FANCI: variants seen among roughly 807,000 people sequenced by gnomAD.
The protein encoded by FANCI is FA complementation group I.
A neutral mutation model predicts 176.1 loss-of-function variants in FANCI; 156 were observed. The observed-to-expected ratio is 0.89, with a 90% CI of 0.78 to 1.01. FANCI has a LOEUF of 1.01. FANCI is among the 50% of genes least tolerant of loss of function. FANCI has a pLI of 0.00. For missense variants in FANCI, 1,678 were observed against 1,534.1 expected (o/e 1.09, Z -1.57); for synonymous variants, 613 against 541.7 (o/e 1.13, Z -1.83).
In FANCI at chr15:89,276,849, T is replaced by C. The variant is rs2151487041; in HGVS notation, c.1251T>C (p.His417=). ...GTCTTTCTAGAATGCCAAACCAGCA[T>C]GCATGTAAGCTCGGAGCTAATATCC... ...SPSLSRMPNQ[H]ACKLGANILL... The change falls in exon 13 of 38, where the codon CAT becomes CAC. Residue 417 remains histidine (H), a synonymous_variant. Transcript: ENST00000310775. The C allele has an allele frequency of 6.2e-7, 1 of 1,614,202 alleles. No homozygotes were observed. Among genetic ancestry groups the C allele is most frequent in the Non-Finnish European group, 8.5e-7 (1 of 1,180,034 alleles).
At chr15:89,279,665 A>G (rs2053541182) in intron 14 of FANCI, among the ~76,000 whole-genome samples, 1 of 152,116 alleles carries the variant, frequency 6.6e-6, no homozygotes, top group African/African-American at 2.4e-5. Flanking sequence ...AGTTCCCTTC[A>G]AACAAATTTT....
Position 89,307,351 on chromosome 15 carries a change from C to T in FANCI, c.3538-125C>T. 1.0e-5 allele frequency: 9 copies of T among 897,388 alleles called. No homozygotes were observed. The South Asian group carries it at 1.2e-4, about 12-fold the overall frequency. The allele number at this position is 897,388 out of a possible 1,614,324, so 55.6% of individuals were successfully genotyped here. On this transcript the variant is annotated intron_variant, in intron 32 of 37. Transcript: ENST00000310775. ...AGGAATAAGGAAGCTTGTGTCTTGGCTTCTCTGTGAATTTTGTTTTTCCTC... is the reference window on the plus strand; with the variant it reads ...AGGAATAAGGAAGCTTGTGTCTTGGTTTCTCTGTGAATTTTGTTTTTCCTC...
intron 2 of FANCI, among the ~76,000 whole-genome samples, chr15:89,257,016 C>T (rs532228436): frequency 6.6e-6 from 1 of 152,290 alleles, no homozygotes; most frequent in East Asian, 1.9e-4. Context: ...ATGCCATTCT[C>T]CTGCCTCAGC....
In FANCI at chr15:89,305,627, A is replaced by T; in HGVS notation, c.3278A>T (p.Glu1093Val). The change falls in exon 31 of 38, where the codon GAG (glutamate) becomes GTG (valine). Residue 1093 changes from glutamate (E) to valine (V), a missense_variant. Transcript: ENST00000310775. Reference protein sequence around the residue: ...TVCLLVLSQAEKVLEEVDWLI... With the variant: ...TVCLLVLSQAVKVLEEVDWLI... The stretch of plus-strand genomic sequence containing the variant: ...CAGTTACTTGTTCTGAGTCAGGCCG[A>T]GAAGGTTCTAGAAGAAGTGGACTGG... 2 of 1,614,190 alleles carry T rather than the reference A, an allele frequency of 1.2e-6. No homozygotes were observed. Among genetic ancestry groups the T allele is most frequent in the Non-Finnish European group, 1.7e-6 (2 of 1,180,038 alleles).
chr15:89,314,419 T>C (rs921755966), intron 35 of FANCI, among the ~76,000 whole-genome samples, 193 bp from the exon 36 acceptor site: 15 of 152,234 alleles, frequency 9.9e-5, no homozygotes, highest in African/African-American at 3.6e-4. Context: ...ATCAGTGCAA[T>C]TATCTCTACT....
intron 27 of FANCI, among the ~76,000 whole-genome samples, chr15:89,302,053 G>T (rs142595220): frequency 8.2e-4 from 125 of 152,332 alleles, no homozygotes; most frequent in African/African-American, 2.8e-3. Context: ...CTTGTTGGGG[G>T]TCTGTACCAT....
rs1250942456 is a variant in FANCI, at chr15:89,260,693, C to T, written c.158-20C>T. 4 of 1,612,378 alleles carry T rather than the reference C, an allele frequency of 2.5e-6. No individual in the cohort carries two copies. The highest frequency in any genetic ancestry group is 3.4e-6 in the Non-Finnish European group (4 of 1,179,148). On this transcript the variant is annotated intron_variant, in intron 3 of 37. Transcript: ENST00000310775. ...AATGTTGTAAGACTTGTTTCTGAACCCCCTGTTTAAAACAATAAGGTTCCC... is the reference window on the plus strand; with the variant it reads ...AATGTTGTAAGACTTGTTTCTGAACTCCCTGTTTAAAACAATAAGGTTCCC...
At chr15:89,248,824 T>G (rs1390896866) in intron 2 of FANCI, among the ~76,000 whole-genome samples, 1 of 152,198 alleles carries the variant, frequency 6.6e-6, no homozygotes, top group Non-Finnish European at 1.5e-5. Context: ...GCTCTTATAT[T>G]TATTTTTGTA....
At chr15:89,250,551 G>C (rs1347886017) in intron 2 of FANCI, among the ~76,000 whole-genome samples, 7 of 135,324 alleles carry the variant, frequency 5.2e-5, no homozygotes, top group African/African-American at 1.3e-4. Context: ...GTTGTGGAGT[G>C]AGGGGAGGGG....
rs1432963862 is a variant in FANCI, at chr15:89,275,999, ATTG to A, written c.1113-709_1113-707del. 2.0e-5 allele frequency among the ~76,000 whole-genome samples: 3 copies of A among 152,204 alleles called. No homozygotes were observed. The East Asian group carries it at 5.8e-4, about 29-fold the overall frequency. The stretch of plus-strand genomic sequence containing the variant: ...ATTTTTGGCTCTTCAGAGTATGAAT[ATTG>A]TTAACTCTGTTAAAGTCTTATAATT... On this transcript the variant is annotated intron_variant, in intron 12 of 37. Transcript: ENST00000310775.
chr15:89,306,092 C>G lies in FANCI; in HGVS notation c.3435C>G (p.Phe1145Leu), dbSNP rs1344945720. ...AACTGGGAACTCTGCTTACATTTTTCCACGAGCTGGTGCAGACAGCTCTGC... is the reference window on the plus strand; with the variant it reads ...AACTGGGAACTCTGCTTACATTTTTGCACGAGCTGGTGCAGACAGCTCTGC... ...IMQLGTLLTF[F>L]HELVQTALPS... is the part of the protein sequence containing the mutation. The change falls in exon 32 of 38, where the codon TTC becomes TTG. Residue 1145 changes from phenylalanine (F) to leucine (L), a missense_variant. Around this residue, in one of 3 missense-constraint regions of FANCI, gnomAD observed 1,204 missense variants for 1,077.4 expected, o/e 1.12. Transcript: ENST00000310775. 1.9e-6 allele frequency: 3 copies of G among 1,614,082 alleles called. No individual in the cohort carries two copies. Among genetic ancestry groups the G allele is most frequent in the Non-Finnish European group, 2.5e-6 (3 of 1,180,046 alleles).
intron 2 of FANCI, among the ~76,000 whole-genome samples, chr15:89,254,711 C>T (rs2052419002): frequency 6.6e-6 from 1 of 152,140 alleles, no homozygotes; most frequent in East Asian, 1.9e-4. Flanking sequence ...TGGAGGGTTG[C>T]TGAGGCAGGA....
intron 36 of FANCI, 94 bp from the exon 37 acceptor site, chr15:89,315,188 G>A: frequency 1.1e-6 from 1 of 909,894 alleles, no homozygotes; most frequent in Non-Finnish European, 1.8e-6. Context: ...GGTAGAAATG[G>A]AAAGGTTTCT....
At chr15:89,316,316 A>G (rs1200493951) in intron 37 of FANCI, 81 bp from the exon 38 acceptor site, 6 of 1,346,266 alleles carry the variant, frequency 4.5e-6, no homozygotes, top group Admixed American at 2.0e-5. Flanking sequence ...GAGAAGATAG[A>G]GTCTTTTTTT....
chr15:89,273,310 TAAAAAAAAAA>T, intron 10 of FANCI, 57 bp from the exon 11 acceptor site: 1 of 597,162 alleles, frequency 1.7e-6, no homozygotes, highest in Non-Finnish European at 2.9e-6. Context: ...TTTTTTTTTT[TAAAAAAAAAA>T]AAAAAAGAAA....
chr15:89,263,276 T>C, intron 6 of FANCI, 143 bp from the exon 7 acceptor site: 1 of 690,822 alleles, frequency 1.4e-6, no homozygotes, highest in East Asian at 2.7e-5. Context: ...ATTTCATTGT[T>C]TTAAATGGTA....
rs59499939 is a variant in FANCI, at chr15:89,312,713, G to T, written c.3652-191G>T. Among the ~76,000 whole-genome samples, 5,098 of 152,036 alleles carry T rather than the reference G, an allele frequency of 0.034. 236 individuals carry two copies. Among genetic ancestry groups the T allele is most frequent in the African/African-American group, 0.11 (4,562 of 41,404 alleles). On this transcript the variant is annotated intron_variant, in intron 34 of 37. Transcript: ENST00000310775. ...CACGTGCCTGTAGTCCCAGCTACTC[G>T]GGAGGCTGAGGCACAAGAATCACTT...
chr15:89,279,074 C>G (rs2053512890), intron 14 of FANCI, among the ~76,000 whole-genome samples: 1 of 152,172 alleles, frequency 6.6e-6, no homozygotes, highest in Admixed American at 6.5e-5. Context: ...CATTGACTTC[C>G]TAGTCCTTTT....
Position 89,281,127 on chromosome 15 carries a change from CTTTAG to C in FANCI, c.1382-40_1382-36del, listed in dbSNP as rs768061649. ...CGTATTTTTCTTTTATTTCAGTTAT[CTTTAG>C]TTATTTGAGACAACTGATTATAGAT... On this transcript the variant is annotated intron_variant, in intron 14 of 37. Transcript: ENST00000310775. The C allele has an allele frequency of 1.9e-6, 3 of 1,602,308 alleles. No homozygotes were observed. In the African/African-American group the frequency reaches 4.0e-5, roughly 21 times the overall value.
Sources: allele counts gnomAD v4.1 joint callset (sites outside exome capture counted in the v4.1 genomes callset), GRCh38; gene constraint gnomAD v4.1.1; regional missense constraint gnomAD v4.1.1; transcripts MANE v1.5; gene names NCBI Gene and HGNC (gene_info 2026-07-23, HGNC 2026-07-21).